Variants in EHMT1 observed in about 807,000 individuals in gnomAD.
EHMT1 encodes the protein histone-lysine N-methyltransferase EHMT1.
EHMT1 carries 15 observed loss-of-function variants against 147.2 expected under a neutral mutation model. The observed-to-expected ratio is 0.10, with a 90% CI of 0.07 to 0.16. The LOEUF is 0.16. Ranked by LOEUF, EHMT1 falls within the 10% of genes least tolerant of loss-of-function variation. The probability of loss-of-function intolerance (pLI) is 1.00; values close to 1 mark genes in which losing one functional copy is unlikely to be tolerated. For missense variants in EHMT1, 1,587 were observed against 1,772.4 expected (o/e 0.90, Z 1.88); for synonymous variants, 795 against 709.6 (o/e 1.12, Z -1.91).
chr9:137,704,218 A>G (rs1190371583), intron 1 of EHMT1, among the ~76,000 whole-genome samples: 3 of 152,202 alleles, frequency 2.0e-5, no homozygotes, highest in Non-Finnish European at 4.4e-5. Context: ...TGGTGGGGAC[A>G]CAGAGCCAAA....
intron 1 of EHMT1, among the ~76,000 whole-genome samples, chr9:137,661,949 T>G (rs909697805): frequency 1.3e-5 from 2 of 151,998 alleles, no homozygotes; most frequent in Non-Finnish European, 2.9e-5. Flanking sequence ...ATTACACGCA[T>G]GCGCCACCAT....
intron 1 of EHMT1, among the ~76,000 whole-genome samples, chr9:137,656,491 T>C (rs754176313): frequency 6.6e-5 from 10 of 152,246 alleles, no homozygotes; most frequent in Non-Finnish European, 1.2e-4. Context: ...CTGTTAACTA[T>C]TGTCTTCCTA....
intron 18 of EHMT1, 63 bp downstream of exon 18, chr9:137,801,047 A>G: frequency 6.7e-7 from 1 of 1,484,480 alleles, no homozygotes; most frequent in South Asian, 1.1e-5. Context: ...CCTCCCCCAG[A>G]AGGTTCTTTT....
chr9:137,646,382 A>G, intron 1 of EHMT1: 1 of 985,572 alleles, frequency 1.0e-6, no homozygotes, highest in Non-Finnish European at 1.2e-6. Context: ...GCGGGCAAGA[A>G]TCCTGTGACC....
At chr9:137,724,951 C>CATGTGGCATTCCTGTGGCAGGT (rs1946456211) in intron 3 of EHMT1, among the ~76,000 whole-genome samples, 1 of 143,364 alleles carries the variant, frequency 7.0e-6, no homozygotes, top group African/African-American at 2.7e-5. Flanking sequence ...GTGGGGCAGG[C>CATGTGGCATTCCTGTGGCAGGT]GTGTGGCATT....
intron 18 of EHMT1, among the ~76,000 whole-genome samples, chr9:137,806,739 C>T (rs903694612): frequency 2.6e-5 from 4 of 152,216 alleles, no homozygotes; most frequent in Non-Finnish European, 5.9e-5. Context: ...AGCCCTCTTA[C>T]AGCTCTTTAA....
At chr9:137,827,560 G>T (rs1054079661) in intron 25 of EHMT1, among the ~76,000 whole-genome samples, 3 of 152,190 alleles carry the variant, frequency 2.0e-5, no homozygotes, top group Non-Finnish European at 2.9e-5. Context: ...ACCCACCCCT[G>T]GGTCTGCCCC....
At chr9:137,628,613 A>G (rs925061303) in intron 1 of EHMT1, among the ~76,000 whole-genome samples, 1 of 152,176 alleles carries the variant, frequency 6.6e-6, no homozygotes, top group Non-Finnish European at 1.5e-5. Context: ...TGAGAAGCAG[A>G]TTCTTCCGTA....
intron 1 of EHMT1, among the ~76,000 whole-genome samples, chr9:137,634,322 T>C (rs1163983895): frequency 6.6e-6 from 1 of 152,208 alleles, no homozygotes; most frequent in African/African-American, 2.4e-5. Flanking sequence ...TTAATTTTTG[T>C]ATATGATGTT....
intron 2 of EHMT1, among the ~76,000 whole-genome samples, chr9:137,715,031 G>T (rs1945088308): frequency 6.6e-6 from 1 of 151,866 alleles, no homozygotes; most frequent in Admixed American, 6.5e-5. Context: ...CATTTTCTAG[G>T]TAATGTTGAT....
chr9:137,685,831 G>A (rs1360093385), intron 1 of EHMT1, among the ~76,000 whole-genome samples: 1 of 152,200 alleles, frequency 6.6e-6, no homozygotes, highest in East Asian at 1.9e-4. Context: ...GAATGATGTT[G>A]GCCATCTTTT....
chr9:137,752,795 G>A (rs899786538), intron 7 of EHMT1, among the ~76,000 whole-genome samples: 1 of 151,096 alleles, frequency 6.6e-6, no homozygotes, highest in African/African-American at 2.4e-5. Flanking sequence ...CAGGTAGAAC[G>A]GCAGAGGGAG....
At chr9:137,674,090 G>C (rs960059798) in intron 1 of EHMT1, among the ~76,000 whole-genome samples, 22 of 152,196 alleles carry the variant, frequency 1.4e-4, no homozygotes, top group African/African-American at 5.3e-4. Context: ...GCAGTGGGGC[G>C]ATCCAGGGTG....
intron 1 of EHMT1, among the ~76,000 whole-genome samples, chr9:137,682,202 C>T (rs1942019058): frequency 6.6e-6 from 1 of 152,118 alleles, no homozygotes; most frequent in Non-Finnish European, 1.5e-5. Context: ...CCCACCTCAG[C>T]CTCCCAAAGT....
chr9:137,619,819 G>C (rs528585427), intron 1 of EHMT1, among the ~76,000 whole-genome samples: 15 of 152,150 alleles, frequency 9.9e-5, no homozygotes, highest in African/African-American at 3.6e-4. Context: ...TTAAAGTCTT[G>C]CGAGTGGACC....
At chr9:137,739,109 T>C (rs1301269776) in intron 4 of EHMT1, among the ~76,000 whole-genome samples, 2 of 149,146 alleles carry the variant, frequency 1.3e-5, no homozygotes, top group South Asian at 2.1e-4. Flanking sequence ...CGGTGGCTCA[T>C]GCCTGTAATC....
At chr9:137,810,514 A>G (rs1588842199) in intron 18 of EHMT1, among the ~76,000 whole-genome samples, 1 of 152,142 alleles carries the variant, frequency 6.6e-6, no homozygotes, top group African/African-American at 2.4e-5. Context: ...ACATTTTCTT[A>G]TGTTTACCGT....
intron 1 of EHMT1, among the ~76,000 whole-genome samples, chr9:137,701,405 T>G (rs1175189735): frequency 6.6e-6 from 1 of 152,020 alleles, no homozygotes; most frequent in African/African-American, 2.4e-5. Flanking sequence ...TGCCTCAGCT[T>G]CCTGAGTAGC....
intron 3 of EHMT1, among the ~76,000 whole-genome samples, chr9:137,723,471 A>G (rs1331958530): frequency 8.6e-6 from 1 of 116,226 alleles, no homozygotes; most frequent in Admixed American, 9.5e-5. Context: ...TCTGGGCCTG[A>G]GCCCGGGGTG....
Sources: gnomAD v4.1 joint callset for allele counts (sites outside exome capture counted in the v4.1 genomes callset) on GRCh38, gnomAD v4.1.1 for gene constraint, MANE v1.5 for transcripts, NCBI Gene and HGNC (gene_info 2026-07-23, HGNC 2026-07-21) for gene names.